The following HAPLN3 variants were observed in gnomAD, a reference collection of about 807,000 sequenced individuals.
HAPLN3 encodes extracellular link domain containing, 1.
Under a neutral mutation model 28.1 loss-of-function variants are expected in HAPLN3, and 28 were observed. The ratio of observed to expected loss-of-function variants is 1.00; its 90% CI spans 0.74 to 1.37. The LOEUF is 1.37. Among genes scored for constraint, HAPLN3 ranks in the 40% most tolerant of loss-of-function variants. HAPLN3 has a pLI of 0.00. For synonymous variants in HAPLN3, 211 were observed against 213.1 expected, an observed-to-expected ratio of 0.99 and a Z score of 0.09; for missense variants, 513 against 504.6, an observed-to-expected ratio of 1.02 and a Z score of -0.16.
At chr15:88,884,339 C>T (rs911475138) in intron 2 of HAPLN3, among the ~76,000 whole-genome samples, 2 of 152,082 alleles carry the variant, frequency 1.3e-5, no homozygotes, top group African/African-American at 4.8e-5. Context: ...CCAAGGCGGG[C>T]GGATCAGGCG....
rs961136919 is a variant in HAPLN3 at position 88,880,953 on chromosome 15, T to C, written c.493+404A>G. Among the ~76,000 whole-genome samples the C allele has an allele frequency of 6.6e-6, 1 of 152,072 alleles. No individual in the cohort carries two copies. Among genetic ancestry groups the C allele is most frequent in the Non-Finnish European group, 1.5e-5 (1 of 68,004 alleles). ...GTGTGCCCAGTCCCCACCACTCCCA[T>C]CGTCTCACAGTGGGCTGCCTCATTC... On this transcript the variant is annotated intron_variant, in intron 3 of 4. Transcript: ENST00000359595. The surrounding 1 kb of genome is among the most constrained non-coding windows in gnomAD (Gnocchi z 6.0).
intron 1 of HAPLN3, among the ~76,000 whole-genome samples, chr15:88,887,558 G>A (rs61306963): frequency 0.049 from 7,469 of 152,274 alleles, 631 homozygotes; most frequent in African/African-American, 0.17. Flanking sequence ...AAGGCAAGAC[G>A]GGAGATCAGC....
rs1337082309 is a variant in HAPLN3, at chr15:88,880,734, TTTTG to T, written c.493+619_493+622del. On this transcript the variant is annotated intron_variant, in intron 3 of 4. Transcript: ENST00000359595. The surrounding 1 kb of genome is among the most constrained non-coding windows in gnomAD (Gnocchi z 6.0). The stretch of plus-strand genomic sequence containing the variant: ...TTTTGTTTTTGGTTTTGGGGGGGCT[TTTTG>T]TTTGTTTTTTGTTTTGTTTTGTTTT... The T allele has an allele frequency of 6.3e-5, 21 of 334,508 alleles. No homozygotes were observed. The highest frequency in any genetic ancestry group is 1.8e-4 in the African/African-American group (8 of 44,452). 20.7% of individuals were successfully genotyped at this position (334,508 alleles called of 1,614,324 possible).
chr15:88,890,001 G>A (rs1897968678), intron 1 of HAPLN3, among the ~76,000 whole-genome samples: 1 of 142,156 alleles, frequency 7.0e-6, no homozygotes, highest in Admixed American at 7.0e-5. Flanking sequence ...AGGGAGGGAG[G>A]GAGGGAGGGA....
chr15:88,881,342 C>G lies in HAPLN3; in HGVS notation c.493+15G>C. ...CTCAGGTCCCAGTGTCACCCAGTCCCCGTTAGCATCTCACCCCGCAGCTCC... is the reference window on the plus strand; with the variant it reads ...CTCAGGTCCCAGTGTCACCCAGTCCGCGTTAGCATCTCACCCCGCAGCTCC... On this transcript the variant is annotated intron_variant, in intron 3 of 4. Coordinates refer to ENST00000359595, the MANE Select transcript of HAPLN3 (RefSeq NM_178232.4). This position sits in a 1 kb window ranked among gnomAD's most constrained non-coding sequence, Gnocchi z 6.0. The G allele has an allele frequency of 1.2e-6, 2 of 1,602,310 alleles. No individual in the cohort carries two copies. Among genetic ancestry groups the G allele is most frequent in the Non-Finnish European group, 1.7e-6 (2 of 1,174,230 alleles).
At chr15:88,883,258 G>A (rs866883853) in intron 2 of HAPLN3, among the ~76,000 whole-genome samples, 3 of 152,226 alleles carry the variant, frequency 2.0e-5, no homozygotes, top group African/African-American at 4.8e-5. Flanking sequence ...CTGGGAATGG[G>A]GTCCAGCCTC....
Position 88,881,180 on chromosome 15 carries a change from T to A in HAPLN3, c.493+177A>T, listed in dbSNP as rs572257260. 1 of 792,960 alleles carries A rather than the reference T, an allele frequency of 1.3e-6. No individual in the cohort carries two copies. The highest frequency in any genetic ancestry group is 1.9e-6 in the Non-Finnish European group (1 of 513,772). The allele number at this position is 792,960 out of a possible 1,614,324, so 49.1% of individuals were successfully genotyped here. On this transcript the variant is annotated intron_variant, in intron 3 of 4. Transcript: ENST00000359595. The surrounding 1 kb of genome is among the most constrained non-coding windows in gnomAD (Gnocchi z 6.0). ...GACCTTAGGTAAGTTACTTGACCTC[T>A]CTGTGCCTCAGTTTTCTCACCTGTA...
In HAPLN3 at chr15:88,879,124, G is replaced by A. The variant is rs778766539; in HGVS notation, c.639C>T (p.Asn213=). The part of the protein sequence containing the change: ...RAWEEGLDWC[N]AGWLQDATVQ... ...CCGTGGCATCCTGCAGCCAGCCCGC[G>A]TTGCACCAGTCCAGGCCCTCCTCCC... Residue 213 remains asparagine (N), a synonymous_variant, in exon 4 of 5, where the codon AAC becomes AAT. Coordinates refer to ENST00000359595, the MANE Select transcript of HAPLN3 (RefSeq NM_178232.4). The surrounding 1 kb of genome is among the most constrained non-coding windows in gnomAD (Gnocchi z 5.0). 3.7e-5 allele frequency: 59 copies of A among 1,613,508 alleles called. No individual in the cohort carries two copies. The highest frequency in any genetic ancestry group is 1.7e-4 in the Middle Eastern group (1 of 6,060).
At position 88,878,254 on chromosome 15, in the gene HAPLN3, G is replaced by C; in HGVS notation, c.799C>G (p.Arg267Gly). The C allele has an allele frequency of 1.9e-6, 3 of 1,609,756 alleles. No individual in the cohort carries two copies. Among genetic ancestry groups the C allele is most frequent in the Non-Finnish European group, 2.5e-6 (3 of 1,177,312 alleles). The part of the protein sequence containing the change: ...VFCFATALKG[R>G]VYYLEHPEKL... ...TCAGGGTGCTCCAGGTAGTACACCC[G>C]CCCTGGGGGAAAGGGGGCGTGAGTG... The change falls in exon 5 of 5, where the codon CGG becomes GGG. Residue 267 changes from arginine (R) to glycine (G), a missense_variant and splice_region_variant. By Grantham distance (125) the Arg-to-Gly change is moderately radical. Transcript: ENST00000359595.
intron 1 of HAPLN3, 69 bp from the exon 2 acceptor site, chr15:88,887,414 A>G: frequency 7.3e-7 from 1 of 1,376,718 alleles, no homozygotes; most frequent in South Asian, 1.3e-5. Flanking sequence ...CCTCTGCTCC[A>G]ACACCACTCA....
chr15:88,883,283 G>T, intron 2 of HAPLN3, among the ~76,000 whole-genome samples: 1 of 152,228 alleles, frequency 6.6e-6, no homozygotes. Context: ...GGACTTTCAG[G>T]CTCATTCAGA....
rs1897655624 is a variant in HAPLN3, at chr15:88,880,065, G to A, written c.494-796C>T. The A allele has an allele frequency of 8.0e-6, 8 of 993,892 alleles. No individual in the cohort carries two copies. The highest frequency in any genetic ancestry group is 9.6e-6 in the Non-Finnish European group (8 of 835,428). The allele number at this position is 993,892 out of a possible 1,614,324, so 61.6% of individuals were successfully genotyped here. A position where few individuals can be genotyped will look rare whatever the true frequency, so the allele number is the denominator to read the frequency against. Reference sequence around the variant, plus strand: ...AGCCCCAAACCTCCGATCTCACCAGGGCCGGAAGCCAGGCACCTGGGCAAA... The same window carrying A: ...AGCCCCAAACCTCCGATCTCACCAGAGCCGGAAGCCAGGCACCTGGGCAAA... On this transcript the variant is annotated intron_variant, in intron 3 of 4. Coordinates refer to ENST00000359595, the MANE Select transcript of HAPLN3 (RefSeq NM_178232.4). The surrounding 1 kb of genome is among the most constrained non-coding windows in gnomAD (Gnocchi z 6.0).
intron 1 of HAPLN3, among the ~76,000 whole-genome samples, chr15:88,894,010 G>A (rs1219207589): frequency 1.1e-4 from 17 of 151,684 alleles, no homozygotes; most frequent in Non-Finnish European, 2.2e-4. Flanking sequence ...TTAAGGGAGA[G>A]AATAGCTGCA....
chr15:88,892,855 T>C, intron 1 of HAPLN3: 2 of 1,135,882 alleles, frequency 1.8e-6, no homozygotes, highest in Non-Finnish European at 2.5e-6. Flanking sequence ...CCACTACCAC[T>C]GAGGGGAGGG....
At chr15:88,894,363 T>C (rs1441718794) in intron 1 of HAPLN3, among the ~76,000 whole-genome samples, 1 of 151,976 alleles carries the variant, frequency 6.6e-6, no homozygotes, top group Non-Finnish European at 1.5e-5. Context: ...AGCCTGGGCT[T>C]GGAGGGAGGG....
chr15:88,878,254 G>A lies in HAPLN3; in HGVS notation c.799C>T (p.Arg267Trp), dbSNP rs757523063. 5.6e-5 allele frequency: 90 copies of A among 1,609,638 alleles called. No individual in the cohort carries two copies. Among genetic ancestry groups the A allele is most frequent in the Admixed American group, 1.2e-4 (7 of 59,836 alleles). The part of the protein sequence containing the change: ...VFCFATALKG[R>W]VYYLEHPEKL... ...TCAGGGTGCTCCAGGTAGTACACCC[G>A]CCCTGGGGGAAAGGGGGCGTGAGTG... Residue 267 changes from arginine to tryptophan, a missense_variant and splice_region_variant, in exon 5 of 5, where the codon CGG (arginine) becomes TGG (tryptophan). Transcript: ENST00000359595.
chr15:88,877,914 A>G lies in HAPLN3; in HGVS notation c.*56T>C. 2 of 1,496,164 alleles carry G rather than the reference A, an allele frequency of 1.3e-6. No individual in the cohort carries two copies. Among genetic ancestry groups the G allele is most frequent in the African/African-American group, 1.4e-5 (1 of 71,372 alleles). The allele number at this position is 1,496,164 out of a possible 1,614,324, so 92.7% of individuals were successfully genotyped here. On this transcript the variant is annotated 3_prime_UTR_variant, in exon 5 of 5. Transcript: ENST00000359595. The surrounding 1 kb of genome is among the most constrained non-coding windows in gnomAD (Gnocchi z 5.1). ...GGCTCCAACCCACAAGGGAAAACGA[A>G]CCACTCAATAAATACACAGCCAGTG...
intron 1 of HAPLN3, among the ~76,000 whole-genome samples, chr15:88,891,971 C>T (rs983638992): frequency 6.6e-6 from 1 of 152,190 alleles, no homozygotes; most frequent in Non-Finnish European, 1.5e-5. Context: ...CAGAGGGGCT[C>T]CCAGCTGCTG....
intron 1 of HAPLN3, chr15:88,892,869 G>A (rs1259311763): frequency 3.2e-6 from 4 of 1,252,522 alleles, no homozygotes; most frequent in Non-Finnish European, 4.4e-6. Context: ...GGGAGGGATG[G>A]GTAGCCTCTG....
Sources: allele counts gnomAD v4.1 joint callset (sites outside exome capture counted in the v4.1 genomes callset), GRCh38; gene constraint gnomAD v4.1.1; non-coding constraint Gnocchi (gnomAD v3.1); transcripts MANE v1.5; gene names NCBI Gene and HGNC (gene_info 2026-07-23, HGNC 2026-07-21).